The following WWOX variants were observed in gnomAD, a reference collection of about 807,000 sequenced individuals.
WWOX encodes the protein WW domain containing oxidoreductase.
Under a neutral mutation model 46.2 loss-of-function variants are expected in WWOX, and 69 were observed. The ratio of observed to expected loss-of-function variants is 1.49; its 90% CI spans 1.23 to 1.82. The LOEUF is 1.82. Ranked by LOEUF, WWOX falls within the 40% of genes most tolerant of loss-of-function variation. The probability of loss-of-function intolerance (pLI) is 0.00; values close to 1 mark genes in which losing one functional copy is unlikely to be tolerated. For synonymous variants in WWOX, 359 were observed against 202.6 expected (o/e 1.77, Z -6.56); for missense variants, 919 against 542.6 (o/e 1.69, Z -6.89).
At chr16:78,615,525 C>G (rs746342474) in intron 8 of WWOX, among the ~76,000 whole-genome samples, 2 of 151,916 alleles carry the variant, frequency 1.3e-5, no homozygotes, top group Non-Finnish European at 1.5e-5. Context: ...GTGCACATCT[C>G]TAGTCTCAGC....
intron 4 of WWOX, among the ~76,000 whole-genome samples, chr16:78,140,493 T>G (rs2033949154): frequency 6.6e-6 from 1 of 152,166 alleles, no homozygotes; most frequent in Admixed American, 6.5e-5. Context: ...AGGGCCATAC[T>G]CCCTTTAAAA....
At chr16:78,255,173 G>A (rs1567460198) in intron 5 of WWOX, among the ~76,000 whole-genome samples, 2 of 152,058 alleles carry the variant, frequency 1.3e-5, no homozygotes, top group South Asian at 4.2e-4. Context: ...AACCCATAAG[G>A]GTATAACTGT....
At chr16:79,038,700 C>G (rs2047914820) in intron 8 of WWOX, among the ~76,000 whole-genome samples, 3 of 152,058 alleles carry the variant, frequency 2.0e-5, no homozygotes, top group Admixed American at 1.3e-4. Flanking sequence ...CAGGCACCCA[C>G]CACCACACCC....
chr16:78,246,913 G>A (rs117656098), intron 5 of WWOX, among the ~76,000 whole-genome samples: 8 of 151,914 alleles, frequency 5.3e-5, no homozygotes, highest in African/African-American at 1.5e-4. Flanking sequence ...AGTGATTTTC[G>A]GAGCCACAAG....
rs549243731 is a variant in WWOX at position 78,775,220 on chromosome 16, C to G, written c.1056+342468C>G. Among the ~76,000 whole-genome samples the G allele has an allele frequency of 7.2e-5, 11 of 152,314 alleles. No individual in the cohort carries two copies. In the South Asian group the frequency reaches 2.3e-3, roughly 32 times the overall value. On this transcript the variant is annotated intron_variant, in intron 8 of 8. Transcript: ENST00000566780. Reference sequence around the variant, plus strand: ...CCTGTTCATTGAACTGAAAGATTATCAGGACTGTATTCAGCCCGGCCAATA... The same window carrying G: ...CCTGTTCATTGAACTGAAAGATTATGAGGACTGTATTCAGCCCGGCCAATA...
intron 8 of WWOX, among the ~76,000 whole-genome samples, chr16:78,481,794 GA>G (rs59741031): frequency 0.061 from 9,217 of 150,066 alleles, 688 homozygotes; most frequent in African/African-American, 0.18. Flanking sequence ...CTGTGGATGT[GA>G]TAAGAGCTGT....
At position 78,959,885 on chromosome 16, in the gene WWOX, T is replaced by C. The variant is rs150326522; in HGVS notation, c.1057-251723T>C. On this transcript the variant is annotated intron_variant, in intron 8 of 8. Coordinates refer to ENST00000566780, the MANE Select transcript of WWOX (RefSeq NM_016373.4). ...TTCTGGAGAGTCTGATTTAATTGGA[T>C]AAGGATACAGCCTGGGCATCAAGAG... Among the ~76,000 whole-genome samples, 17 of 152,340 alleles carry C rather than the reference T, an allele frequency of 1.1e-4. No individual in the cohort carries two copies. The East Asian group carries it at 3.3e-3, about 29-fold the overall frequency.
intron 8 of WWOX, among the ~76,000 whole-genome samples, chr16:78,664,138 G>C (rs1275717062): frequency 6.6e-6 from 1 of 152,186 alleles, no homozygotes; most frequent in Non-Finnish European, 1.5e-5. Context: ...TGACCCTGGA[G>C]TTAAAGAGAG....
At chr16:78,304,679 T>A (rs533696096) in intron 5 of WWOX, among the ~76,000 whole-genome samples, 4 of 152,362 alleles carry the variant, frequency 2.6e-5, no homozygotes, top group African/African-American at 9.6e-5. Flanking sequence ...TGTTGATGGA[T>A]GTTAGGGTTG....
At chr16:78,978,314 G>C (rs1382474305) in intron 8 of WWOX, among the ~76,000 whole-genome samples, 1 of 152,164 alleles carries the variant, frequency 6.6e-6, no homozygotes, top group Non-Finnish European at 1.5e-5. Flanking sequence ...TTGCATATGA[G>C]TATTTGGGTT....
chr16:78,514,620 A>C (rs1287311912), intron 8 of WWOX, among the ~76,000 whole-genome samples: 1 of 152,180 alleles, frequency 6.6e-6, no homozygotes, highest in Non-Finnish European at 1.5e-5. Context: ...TCCCAGGGCA[A>C]GATAGCAAGA....
Position 79,211,974 on chromosome 16 carries a change from G to T in WWOX, c.*178G>T. The T allele has an allele frequency of 6.5e-7, 1 of 1,528,046 alleles. No homozygotes were observed. Among genetic ancestry groups the T allele is most frequent in the Middle Eastern group, 1.7e-4 (1 of 5,980 alleles). The allele number at this position is 1,528,046 out of a possible 1,614,324, so 94.7% of individuals were successfully genotyped here. On this transcript the variant is annotated 3_prime_UTR_variant, in exon 9 of 9. Coordinates refer to ENST00000566780, the MANE Select transcript of WWOX (RefSeq NM_016373.4). ...TACCAATGGGAAGCAGGGAATTCCTGGGGTAAAGTATCACTTTTCTGGGGC... is the reference window on the plus strand; with the variant it reads ...TACCAATGGGAAGCAGGGAATTCCTTGGGTAAAGTATCACTTTTCTGGGGC...
intron 8 of WWOX, among the ~76,000 whole-genome samples, chr16:78,770,074 G>A (rs977488707): frequency 1.3e-5 from 2 of 151,298 alleles, no homozygotes; most frequent in Non-Finnish European, 2.9e-5. Context: ...AGAGTAGGTC[G>A]GGCATGGTGG....
chr16:79,053,866 A>T (rs1597329335), intron 8 of WWOX, among the ~76,000 whole-genome samples: 1 of 152,064 alleles, frequency 6.6e-6, no homozygotes, highest in Admixed American at 6.6e-5. Context: ...CAGCCCGAAA[A>T]CTCCAGTAAG....
At chr16:78,235,342 C>T (rs2037399898) in intron 5 of WWOX, among the ~76,000 whole-genome samples, 1 of 152,052 alleles carries the variant, frequency 6.6e-6, no homozygotes, top group Non-Finnish European at 1.5e-5. Flanking sequence ...TTGCTGTTGT[C>T]TGGTGGAGGG....
rs1443346731 is a variant in WWOX, at chr16:78,994,951, T to TTTC, written c.1057-216639_1057-216637dup. Among the ~76,000 whole-genome samples the TTTC allele has an allele frequency of 7.7e-4, 110 of 143,220 alleles. 1 individual carries two copies. Among genetic ancestry groups the TTTC allele is most frequent in the African/African-American group, 2.2e-3 (83 of 38,396 alleles). 94.0% of individuals were successfully genotyped at this position (143,220 alleles called of 152,430 possible). On this transcript the variant is annotated intron_variant, in intron 8 of 8. Transcript: ENST00000566780. ...GTGCAAGCCTTTTTTTTTTCTTTCT[T>TTTC]TTCTTCTTCTTCTTCTTCTTTTTTT... is the stretch of plus-strand genomic sequence containing the variant.
At chr16:78,447,316 A>C (rs1184891762) in intron 8 of WWOX, among the ~76,000 whole-genome samples, 1 of 152,222 alleles carries the variant, frequency 6.6e-6, no homozygotes, top group East Asian at 1.9e-4. Context: ...TTTCTTATGC[A>C]TTTGCTATAA....
intron 5 of WWOX, among the ~76,000 whole-genome samples, chr16:78,354,287 A>AGACAGTG (rs1471168123): frequency 6.8e-5 from 10 of 147,182 alleles, no homozygotes; most frequent in Non-Finnish European, 1.3e-4. Context: ...CATAGGGAGA[A>AGACAGTG]GACAGTGTCT....
intron 8 of WWOX, among the ~76,000 whole-genome samples, chr16:78,814,323 C>G (rs534068064): frequency 6.6e-6 from 1 of 152,208 alleles, no homozygotes; most frequent in East Asian, 1.9e-4. Context: ...ATCTCCTTTT[C>G]CCTAAAAAAC....
Sources: gnomAD v4.1 joint callset for allele counts (sites outside exome capture counted in the v4.1 genomes callset) on GRCh38, gnomAD v4.1.1 for gene constraint, MANE v1.5 for transcripts, NCBI Gene and HGNC (gene_info 2026-07-23, HGNC 2026-07-21) for gene names.